The following XPR1 variants were observed in gnomAD, a reference collection of about 807,000 sequenced individuals.
XPR1 encodes xenotropic and polytropic retrovirus receptor 1.
Under a neutral mutation model 87.5 loss-of-function variants are expected in XPR1, and 28 were observed. That is an observed-to-expected ratio of 0.32 (90% CI 0.24 to 0.44). The LOEUF (loss-of-function observed/expected upper bound fraction) is 0.44. Ranked by LOEUF, XPR1 falls within the 20% of genes least tolerant of loss-of-function variation. The pLI, the probability that XPR1 is intolerant of heterozygous loss-of-function variation, is 1.00. For synonymous variants in XPR1, 300 were observed against 306.1 expected, an observed-to-expected ratio of 0.98 and a Z score of 0.21; for missense variants, 559 against 862.3, an observed-to-expected ratio of 0.65 and a Z score of 4.41.
At chr1:180,853,040 C>A (rs1209928994) in intron 11 of XPR1, among the ~76,000 whole-genome samples, 1 of 152,198 alleles carries the variant, frequency 6.6e-6, no homozygotes, top group African/African-American at 2.4e-5. Context: ...AAGCACTTCT[C>A]ATGCCTCAGC....
At chr1:180,669,958 T>C (rs1353298257) in intron 1 of XPR1, among the ~76,000 whole-genome samples, 2 of 152,206 alleles carry the variant, frequency 1.3e-5, no homozygotes, top group Non-Finnish European at 2.9e-5. Flanking sequence ...AAAGTGAAAC[T>C]GTATGAGGGG....
chr1:180,690,675 T>G (rs867667471), intron 2 of XPR1, among the ~76,000 whole-genome samples: 5 of 151,852 alleles, frequency 3.3e-5, no homozygotes, highest in South Asian at 2.1e-4. Context: ...TAGCATTTGT[T>G]ACTTACTGAT....
At chr1:180,771,834 A>G (rs989310776) in intron 2 of XPR1, among the ~76,000 whole-genome samples, 4 of 152,102 alleles carry the variant, frequency 2.6e-5, no homozygotes, top group African/African-American at 7.2e-5. Flanking sequence ...TATTGGTAGT[A>G]TTAACCTTGA....
intron 2 of XPR1, among the ~76,000 whole-genome samples, chr1:180,766,169 G>A (rs1286515266): frequency 6.6e-6 from 1 of 152,062 alleles, no homozygotes; most frequent in East Asian, 1.9e-4. Context: ...ATCTGCATTT[G>A]TTGGTAATAT....
At chr1:180,761,061 A>T (rs1016180811) in intron 2 of XPR1, among the ~76,000 whole-genome samples, 2 of 152,326 alleles carry the variant, frequency 1.3e-5, no homozygotes, top group East Asian at 1.9e-4. Context: ...CTGGCTAGCC[A>T]TATGTAGAAA....
In XPR1 at chr1:180,696,202, GTGTGTGTATATATATATATATA is replaced by G. The variant is rs1427895377; in HGVS notation, c.121+13793_121+13814del. 2.2e-3 allele frequency among the ~76,000 whole-genome samples: 235 copies of G among 106,350 alleles called. 2 individuals carry two copies. The highest frequency in any genetic ancestry group is 9.5e-3 in the African/African-American group (230 of 24,244). The allele number at this position is 106,350 out of a possible 152,430, so 69.8% of individuals were successfully genotyped here. ...TGTGTGTGTGTGTGTGTGTGTGTGT[GTGTGTGTATATATATATATATA>G]TATATATTATGGTAGCTATTGTAAA... On this transcript the variant is annotated intron_variant, in intron 2 of 14. Transcript: ENST00000367590.
chr1:180,795,473 G>A (rs1156454414), intron 3 of XPR1, among the ~76,000 whole-genome samples: 1 of 152,082 alleles, frequency 6.6e-6, no homozygotes, highest in Admixed American at 6.6e-5. Context: ...AGTAGAAATT[G>A]TAGTTTATTG....
intron 1 of XPR1, among the ~76,000 whole-genome samples, chr1:180,652,873 C>T (rs541960122): frequency 6.6e-6 from 1 of 152,308 alleles, no homozygotes; most frequent in East Asian, 1.9e-4. Flanking sequence ...TTCGGAGCTG[C>T]TTACCTGGGT....
chr1:180,838,479 G>A (rs1029323259), intron 11 of XPR1, among the ~76,000 whole-genome samples: 5 of 152,120 alleles, frequency 3.3e-5, no homozygotes, highest in African/African-American at 1.2e-4. Context: ...TCAAATCTGT[G>A]AACAGTCCAA....
chr1:180,744,635 G>A (rs1659021154), intron 2 of XPR1, among the ~76,000 whole-genome samples: 1 of 119,810 alleles, frequency 8.3e-6, no homozygotes, highest in South Asian at 2.7e-4. Context: ...ACTTGTTCAG[G>A]TTTAGGCACA....
chr1:180,714,154 T>C (rs2101988058), intron 2 of XPR1, among the ~76,000 whole-genome samples: 1 of 152,308 alleles, frequency 6.6e-6, no homozygotes, highest in East Asian at 1.9e-4. Context: ...TATTTCCTTA[T>C]TATCCTTTAC....
chr1:180,642,934 A>G (rs985167633), intron 1 of XPR1, among the ~76,000 whole-genome samples: 1 of 152,162 alleles, frequency 6.6e-6, no homozygotes, highest in Non-Finnish European at 1.5e-5. Context: ...AGTTAGAGTA[A>G]TAGAGAACAG....
At chr1:180,681,975 T>A (rs557331931) in intron 1 of XPR1, among the ~76,000 whole-genome samples, 2 of 152,384 alleles carry the variant, frequency 1.3e-5, no homozygotes, top group African/African-American at 4.8e-5. Flanking sequence ...CTTACTACAA[T>A]TTTAAAAAGA....
At chr1:180,878,714 C>G (rs574468805) in intron 13 of XPR1, among the ~76,000 whole-genome samples, 193 of 152,290 alleles carry the variant, frequency 1.3e-3, no homozygotes, top group Non-Finnish European at 2.2e-3. Context: ...TTTGCTAAAT[C>G]CCCTTGTCAG....
chr1:180,726,181 A>G (rs1658332554), intron 2 of XPR1, among the ~76,000 whole-genome samples: 1 of 152,192 alleles, frequency 6.6e-6, no homozygotes, highest in Admixed American at 6.5e-5. Context: ...GTGTCTAGCT[A>G]AAGGTTTGTA....
chr1:180,806,216 A>G lies in XPR1; in HGVS notation c.597+5A>G, dbSNP rs745527612. ...CAGCTTATCTCTGAAACTGAGGTACAATAATCTCGTTTATTTACAACGTAT... is the reference window on the plus strand; with the variant it reads ...CAGCTTATCTCTGAAACTGAGGTACGATAATCTCGTTTATTTACAACGTAT... On this transcript the variant is annotated splice_donor_5th_base_variant and intron_variant, in intron 5 of 14. Coordinates refer to ENST00000367590, the MANE Select transcript of XPR1 (RefSeq NM_004736.4). 1 of 1,610,346 alleles carries G rather than the reference A, an allele frequency of 6.2e-7. No homozygotes were observed. Among genetic ancestry groups the G allele is most frequent in the Non-Finnish European group, 8.5e-7 (1 of 1,177,588 alleles).
intron 2 of XPR1, among the ~76,000 whole-genome samples, chr1:180,778,282 C>T (rs1648801241): frequency 6.6e-6 from 1 of 152,180 alleles, no homozygotes; most frequent in Non-Finnish European, 1.5e-5. Flanking sequence ...CCACACCTGA[C>T]CTATTCCTGC....
chr1:180,663,751 G>A (rs977503253), intron 1 of XPR1, among the ~76,000 whole-genome samples: 8 of 152,142 alleles, frequency 5.3e-5, no homozygotes, highest in Non-Finnish European at 7.4e-5. Context: ...CCAAGTCCCC[G>A]GGCAGGTCCA....
chr1:180,640,220 G>A (rs553769832), intron 1 of XPR1, among the ~76,000 whole-genome samples: 1 of 152,296 alleles, frequency 6.6e-6, no homozygotes, highest in East Asian at 1.9e-4. Context: ...ATCAGACTGT[G>A]GAGCTGTTGC....
Sources: allele counts gnomAD v4.1 joint callset (sites outside exome capture counted in the v4.1 genomes callset), GRCh38; gene constraint gnomAD v4.1.1; transcripts MANE v1.5; gene names NCBI Gene and HGNC (gene_info 2026-07-23, HGNC 2026-07-21).